Variants in DENND1A observed in about 807,000 individuals in gnomAD.
DENND1A encodes the protein DENN domain-containing protein 1A.
DENND1A carries 51 observed loss-of-function variants against 113.7 expected under a neutral mutation model. That is an observed-to-expected ratio of 0.45 (90% CI 0.36 to 0.57). The LOEUF (loss-of-function observed/expected upper bound fraction) is 0.57. Ranked by LOEUF, DENND1A falls within the 20% of genes least tolerant of loss-of-function variation. The probability of loss-of-function intolerance (pLI) is 0.00; values close to 1 mark genes in which losing one functional copy is unlikely to be tolerated. For synonymous variants in DENND1A, 565 were observed against 570.8 expected (o/e 0.99, Z 0.14); for missense variants, 1,258 against 1,395.9 (o/e 0.90, Z 1.57).
chr9:123,704,573 T>C (rs1394621623), intron 5 of DENND1A, among the ~76,000 whole-genome samples: 2 of 152,216 alleles, frequency 1.3e-5, no homozygotes, highest in Non-Finnish European at 2.9e-5. Context: ...AGAAGCATAG[T>C]TGAAATATAA....
chr9:123,696,547 T>C (rs1482614180), intron 5 of DENND1A, among the ~76,000 whole-genome samples: 1 of 151,484 alleles, frequency 6.6e-6, no homozygotes, highest in Non-Finnish European at 1.5e-5. Flanking sequence ...AGAGGAAGAG[T>C]GGGAGAGAAA....
At chr9:123,491,482 T>G (rs1267203609) in intron 13 of DENND1A, among the ~76,000 whole-genome samples, 1 of 152,170 alleles carries the variant, frequency 6.6e-6, no homozygotes, top group South Asian at 2.1e-4. Flanking sequence ...GGGCCTTACC[T>G]TGCACAGCTG....
chr9:123,439,924 C>G (rs1448101259), intron 19 of DENND1A: 1 of 152,404 alleles, frequency 6.6e-6, no homozygotes, highest in Non-Finnish European at 1.5e-5. Context: ...AAGCACGACT[C>G]CTGATATTGA....
chr9:123,663,647 G>C (rs1056173867), intron 8 of DENND1A, among the ~76,000 whole-genome samples: 2 of 151,642 alleles, frequency 1.3e-5, no homozygotes, highest in South Asian at 4.2e-4. Flanking sequence ...GGGAGAGTGG[G>C]ATTGGGGTTG....
intron 21 of DENND1A, among the ~76,000 whole-genome samples, chr9:123,393,247 A>G (rs1385489703): frequency 6.6e-6 from 1 of 152,240 alleles, no homozygotes; most frequent in Non-Finnish European, 1.5e-5. Context: ...TTCACCTGCC[A>G]ACAAGTAGAT....
chr9:123,611,705 A>G (rs2060425853), intron 10 of DENND1A, among the ~76,000 whole-genome samples: 1 of 152,358 alleles, frequency 6.6e-6, no homozygotes, highest in Non-Finnish European at 1.5e-5. Flanking sequence ...TGAAATTCCA[A>G]CAAATGAGTT....
intron 21 of DENND1A, among the ~76,000 whole-genome samples, chr9:123,388,408 C>CTT (rs1413194052): frequency 6.6e-6 from 1 of 152,182 alleles, no homozygotes; most frequent in African/African-American, 2.4e-5. Flanking sequence ...CCCTCTGCTG[C>CTT]TTTTTATTTT....
At chr9:123,781,728 A>G (rs537562088) in intron 3 of DENND1A, among the ~76,000 whole-genome samples, 2 of 152,176 alleles carry the variant, frequency 1.3e-5, no homozygotes, top group Non-Finnish European at 2.9e-5. Context: ...CAAATCTCAT[A>G]TAACATGGGG....
intron 1 of DENND1A, among the ~76,000 whole-genome samples, chr9:123,928,393 A>G (rs1468236132): frequency 2.0e-5 from 3 of 152,214 alleles, no homozygotes. Flanking sequence ...TCTAAGTGCT[A>G]TTGAAATCCA....
chr9:123,505,890 A>G (rs2052884133), intron 13 of DENND1A, among the ~76,000 whole-genome samples: 1 of 152,158 alleles, frequency 6.6e-6, no homozygotes, highest in Non-Finnish European at 1.5e-5. Flanking sequence ...CTCTTCAACA[A>G]CGTGGCCTCC....
intron 15 of DENND1A, 145 bp downstream of exon 15, chr9:123,457,203 T>A (rs1194218919): frequency 2.9e-6 from 2 of 679,068 alleles, no homozygotes; most frequent in East Asian, 5.2e-5. Context: ...CAAAGAGGAA[T>A]TCTTCAAACA....
chr9:123,650,906 CAAAAAAAAAAAAA>C (rs76905879), intron 9 of DENND1A, among the ~76,000 whole-genome samples: 4 of 35,654 alleles, frequency 1.1e-4, no homozygotes, highest in African/African-American at 2.8e-4. Flanking sequence ...GACTCTGTCT[CAAAAAAAAAAAAA>C]AAAAAAAAAA....
chr9:123,432,805 A>T (rs1436064096), intron 19 of DENND1A, among the ~76,000 whole-genome samples: 2 of 152,092 alleles, frequency 1.3e-5, no homozygotes, highest in African/African-American at 4.8e-5. Context: ...CACATGTTTG[A>T]CTCAGGCTTG....
At chr9:123,830,365 A>G (rs1839988171) in intron 2 of DENND1A, among the ~76,000 whole-genome samples, 1 of 152,204 alleles carries the variant, frequency 6.6e-6, no homozygotes, top group South Asian at 2.1e-4. Flanking sequence ...TTGGAAATAA[A>G]GAGAAGAGTA....
At chr9:123,920,586 G>A (rs1018436969) in intron 1 of DENND1A, among the ~76,000 whole-genome samples, 4 of 152,050 alleles carry the variant, frequency 2.6e-5, no homozygotes, top group African/African-American at 9.7e-5. Flanking sequence ...TCAAGACAGG[G>A]TCTTGCTCTG....
chr9:123,409,169 C>T (rs1262379343), intron 20 of DENND1A, among the ~76,000 whole-genome samples: 2 of 152,092 alleles, frequency 1.3e-5, no homozygotes, highest in Non-Finnish European at 2.9e-5. Context: ...TCCTAGGCAC[C>T]ATAAAAGGTG....
intron 13 of DENND1A, among the ~76,000 whole-genome samples, chr9:123,522,417 G>C (rs1240182977): frequency 6.6e-6 from 1 of 152,220 alleles, no homozygotes; most frequent in Non-Finnish European, 1.5e-5. Context: ...GGAGCAATTA[G>C]AGCTGGTTTG....
chr9:123,870,725 G>A (rs951751087), intron 2 of DENND1A, among the ~76,000 whole-genome samples: 1 of 152,076 alleles, frequency 6.6e-6, no homozygotes, highest in African/African-American at 2.4e-5. Context: ...GTGAACCACC[G>A]TGGCTGGCCT....
intron 13 of DENND1A, among the ~76,000 whole-genome samples, chr9:123,511,581 A>AC (rs1395387846): frequency 1.6e-4 from 24 of 152,384 alleles, no homozygotes; most frequent in African/African-American, 5.3e-4. Flanking sequence ...TAGCAGCAGC[A>AC]CAAGGCCTGG....
Sources: gnomAD v4.1 joint callset for allele counts (sites outside exome capture counted in the v4.1 genomes callset) on GRCh38, gnomAD v4.1.1 for gene constraint, MANE v1.5 for transcripts, NCBI Gene and HGNC (gene_info 2026-07-23, HGNC 2026-07-21) for gene names.